NUP98: variants seen among roughly 807,000 people sequenced by gnomAD.
NUP98 encodes the protein nuclear pore complex protein Nup98-Nup96.
NUP98 carries 26 observed loss-of-function variants against 191.9 expected under a neutral mutation model. The ratio of observed to expected loss-of-function variants is 0.14; its 90% CI spans 0.10 to 0.19. The LOEUF (loss-of-function observed/expected upper bound fraction) is 0.19. NUP98 is among the 10% of genes least tolerant of loss of function. NUP98 has a pLI of 1.00. For missense variants in NUP98, 1,941 were observed against 2,178.8 expected, an observed-to-expected ratio of 0.89 and a Z score of 2.17; for synonymous variants, 808 against 778.4, an observed-to-expected ratio of 1.04 and a Z score of -0.63.
intron 11 of NUP98, among the ~76,000 whole-genome samples, chr11:3,751,904 G>A (rs908081811): frequency 4.6e-5 from 7 of 151,756 alleles, no homozygotes; most frequent in South Asian, 2.1e-4. Flanking sequence ...AAGGCTGGGC[G>A]CGGTGGCTCA....
chr11:3,766,858 T>C (rs1024068473), intron 8 of NUP98, among the ~76,000 whole-genome samples: 1 of 152,222 alleles, frequency 6.6e-6, no homozygotes, highest in Admixed American at 6.5e-5. Context: ...TGTGGTTTTC[T>C]GTTGTTTAAA....
At chr11:3,678,264 C>T (rs941578217) in intron 31 of NUP98, among the ~76,000 whole-genome samples, 3 of 151,424 alleles carry the variant, frequency 2.0e-5, no homozygotes, top group African/African-American at 7.2e-5. Flanking sequence ...CTACCCCACC[C>T]ACCTTTTTCT....
At chr11:3,758,789 CAG>C (rs1253455786) in intron 10 of NUP98, among the ~76,000 whole-genome samples, 1 of 148,066 alleles carries the variant, frequency 6.8e-6, no homozygotes, top group South Asian at 2.1e-4. Flanking sequence ...CAGAGAGAGA[CAG>C]AGAGACAGAG....
chr11:3,768,647 G>C lies in NUP98; in HGVS notation c.882C>G (p.Thr294=). 6.2e-7 allele frequency: 1 copy of C among 1,611,648 alleles called. No individual in the cohort carries two copies. ...LFSKPFGQAT[T]TQNTGFSFGN... is the part of the protein sequence containing the mutation. Reference sequence around the variant, plus strand: ...CAAAGGAAAAGCCAGTGTTCTGGGTGGTTGTAGCCTGGCCAAATGGTTTGC... The same window carrying C: ...CAAAGGAAAAGCCAGTGTTCTGGGTCGTTGTAGCCTGGCCAAATGGTTTGC... The change falls in exon 8 of 33, where the codon ACC becomes ACG. Residue 294 remains threonine, a synonymous_variant. Coordinates refer to ENST00000324932, the MANE Select transcript of NUP98 (RefSeq NM_016320.5).
intron 11 of NUP98, among the ~76,000 whole-genome samples, chr11:3,749,490 T>G (rs1055886491): frequency 2.0e-5 from 3 of 152,144 alleles, no homozygotes; most frequent in Non-Finnish European, 2.9e-5. Context: ...CCGGGTGCAG[T>G]GGCACATGCC....
At chr11:3,766,863 TTTAAA>T (rs1487417777) in intron 8 of NUP98, among the ~76,000 whole-genome samples, 4 of 152,208 alleles carry the variant, frequency 2.6e-5, no homozygotes, top group African/African-American at 9.6e-5. Context: ...TTTTCTGTTG[TTTAAA>T]TTATATTACC....
At chr11:3,706,782 T>A (rs560364558) in intron 20 of NUP98, among the ~76,000 whole-genome samples, 155 bp from the exon 21 acceptor site, 22 of 152,330 alleles carry the variant, frequency 1.4e-4, no homozygotes, top group African/African-American at 5.3e-4. Context: ...CTAGAGTGAT[T>A]TAAAATCAAT....
intron 20 of NUP98, among the ~76,000 whole-genome samples, chr11:3,710,498 A>G (rs972781209): frequency 6.6e-6 from 1 of 152,204 alleles, no homozygotes; most frequent in African/African-American, 2.4e-5. Context: ...CCATTAAAGA[A>G]AAATACACAT....
intron 16 of NUP98, 30 bp from the exon 17 acceptor site, chr11:3,720,855 A>C: frequency 1.1e-6 from 1 of 909,084 alleles, no homozygotes; most frequent in Non-Finnish European, 1.7e-6. Context: ...AAAAACAGAA[A>C]AAAAAATAAC....
At chr11:3,744,456 A>T in intron 12 of NUP98, 53 bp downstream of exon 12, 1 of 1,553,942 alleles carries the variant, frequency 6.4e-7, no homozygotes, top group Non-Finnish European at 8.7e-7. Flanking sequence ...AAATCAGGTC[A>T]GCAAGTATTA....
chr11:3,685,932 G>C (rs1418802804), intron 29 of NUP98, 41 bp downstream of exon 29: 1 of 1,498,854 alleles, frequency 6.7e-7, no homozygotes, highest in Non-Finnish European at 9.3e-7. Context: ...TTGCCCTGTA[G>C]TGCTAGATGT....
intron 1 of NUP98, among the ~76,000 whole-genome samples, chr11:3,794,772 C>A (rs1271118812): frequency 2.0e-5 from 3 of 151,682 alleles, no homozygotes; most frequent in African/African-American, 4.8e-5. Context: ...TGCCACCATA[C>A]CTGCCTAATT....
At chr11:3,695,763 T>G (rs1020598729) in intron 25 of NUP98, among the ~76,000 whole-genome samples, 157 bp from the exon 26 acceptor site, 3 of 152,134 alleles carry the variant, frequency 2.0e-5, no homozygotes, top group African/African-American at 7.2e-5. Flanking sequence ...GATCAAAAAC[T>G]TACCATTTTC....
chr11:3,760,676 C>A, intron 9 of NUP98, 50 bp from the exon 10 acceptor site: 1 of 1,516,714 alleles, frequency 6.6e-7, no homozygotes, highest in South Asian at 1.2e-5. Context: ...AAGACACACA[C>A]CAAACTAAAT....
intron 1 of NUP98, among the ~76,000 whole-genome samples, chr11:3,789,674 T>C (rs1310022037): frequency 3.3e-5 from 5 of 151,988 alleles, no homozygotes; most frequent in African/African-American, 4.8e-5. Flanking sequence ...TGCCACTATG[T>C]TGCCCAGGCT....
chr11:3,754,490 C>T (rs1462154046), intron 10 of NUP98, among the ~76,000 whole-genome samples: 2 of 152,068 alleles, frequency 1.3e-5, no homozygotes, highest in Non-Finnish European at 2.9e-5. Flanking sequence ...CCTAAAGGTC[C>T]TTGCTAAGAA....
At chr11:3,796,022 C>T (rs1383971794) in intron 1 of NUP98, among the ~76,000 whole-genome samples, 1 of 152,206 alleles carries the variant, frequency 6.6e-6, no homozygotes, top group Non-Finnish European at 1.5e-5. Context: ...TTTATCCTGT[C>T]CAACCTCTAG....
intron 13 of NUP98, among the ~76,000 whole-genome samples, chr11:3,733,733 T>C (rs2079932104): frequency 6.6e-6 from 1 of 152,232 alleles, no homozygotes; most frequent in South Asian, 2.1e-4. Flanking sequence ...TGTTTATCCA[T>C]TCGTCATTGA....
intron 10 of NUP98, among the ~76,000 whole-genome samples, chr11:3,754,225 G>C (rs1041197496): frequency 2.0e-4 from 30 of 151,768 alleles, no homozygotes; most frequent in Admixed American, 2.0e-3. Context: ...TCAAGAGTTC[G>C]AGAACAGCCT....
Sources: allele counts gnomAD v4.1 joint callset (sites outside exome capture counted in the v4.1 genomes callset), GRCh38; gene constraint gnomAD v4.1.1; transcripts MANE v1.5; gene names NCBI Gene and HGNC (gene_info 2026-07-23, HGNC 2026-07-21).